SPTBN2: variants seen among roughly 807,000 people sequenced by gnomAD.
SPTBN2 encodes the protein spectrin beta chain, non-erythrocytic 2.
In SPTBN2, 107 loss-of-function variants were observed where a neutral mutation model predicts 284.2. That is an observed-to-expected ratio of 0.38 (90% CI 0.32 to 0.44). The LOEUF (loss-of-function observed/expected upper bound fraction) is 0.44. Ranked by LOEUF, SPTBN2 falls within the 20% of genes least tolerant of loss-of-function variation. The pLI, the probability that SPTBN2 is intolerant of heterozygous loss-of-function variation, is 1.00. For missense variants in SPTBN2, 2,569 were observed against 3,287.1 expected (o/e 0.78, Z 5.34); for synonymous variants, 1,289 against 1,354.8 (o/e 0.95, Z 1.07).
chr11:66,707,499 G>T lies in SPTBN2; in HGVS notation c.1653+17C>A, dbSNP rs974950938. Reference sequence around the variant, plus strand: ...CTCTTGATCACTCTTACCCCACCCAGCACGCCTCACTGGTACCTTCATCTC... The same window carrying T: ...CTCTTGATCACTCTTACCCCACCCATCACGCCTCACTGGTACCTTCATCTC... On this transcript the variant is annotated intron_variant, in intron 13 of 37. Transcript: ENST00000533211. The surrounding 1 kb of genome is among the most constrained non-coding windows in gnomAD (Gnocchi z 4.9). The T allele has an allele frequency of 3.2e-6, 5 of 1,585,374 alleles. No homozygotes were observed. Among genetic ancestry groups the T allele is most frequent in the Non-Finnish European group, 4.3e-6 (5 of 1,166,310 alleles).
At chr11:66,744,222 G>A (rs1413857021) in intron 1 of SPTBN2, among the ~76,000 whole-genome samples, 1 of 152,192 alleles carries the variant, frequency 6.6e-6, no homozygotes, top group Non-Finnish European at 1.5e-5. Context: ...AAATTGCCGA[G>A]ATATGTGTAT....
chr11:66,703,182 C>T (rs1446299448), intron 15 of SPTBN2, among the ~76,000 whole-genome samples: 1 of 151,670 alleles, frequency 6.6e-6, no homozygotes, highest in African/African-American at 2.4e-5. Flanking sequence ...TGGGCTCAAG[C>T]AATCCTCCTG....
At position 66,684,816 on chromosome 11, in the gene SPTBN2, G is replaced by A. The variant is rs997343608; in HGVS notation, c.*1055C>T. Among the ~76,000 whole-genome samples the A allele has an allele frequency of 6.6e-6, 1 of 152,090 alleles. No homozygotes were observed. The highest frequency in any genetic ancestry group is 1.5e-5 in the Non-Finnish European group (1 of 68,014). ...TCTACTGGAGAGCAGACGGCAAGTG[G>A]GGGCAGTAAGCACCCGCTGTGTGCT... On this transcript the variant is annotated 3_prime_UTR_variant, in exon 38 of 38. Transcript: ENST00000533211.
At chr11:66,694,004 T>TC in intron 22 of SPTBN2, 135 bp downstream of exon 22, 1 of 1,330,206 alleles carries the variant, frequency 7.5e-7, no homozygotes, top group Non-Finnish European at 1.0e-6. Flanking sequence ...TCTCCAAGTC[T>TC]CCCTATAGGG....
intron 20 of SPTBN2, among the ~76,000 whole-genome samples, chr11:66,697,866 A>G (rs1037015417): frequency 6.6e-6 from 1 of 152,212 alleles, no homozygotes; most frequent in African/African-American, 2.4e-5. Flanking sequence ...CTTTGGATAT[A>G]GTAGCACCAA....
intron 3 of SPTBN2, among the ~76,000 whole-genome samples, chr11:66,720,403 G>C (rs1017553419): frequency 6.6e-6 from 1 of 152,230 alleles, no homozygotes; most frequent in Non-Finnish European, 1.5e-5. Flanking sequence ...TCAGGTGGCA[G>C]CCGCACTCTT....
At position 66,685,921 on chromosome 11, in the gene SPTBN2, T is replaced by C. The variant is rs1228100154; in HGVS notation, c.7123A>G (p.Arg2375Gly). The part of the protein sequence containing the change: ...GPVVLRSKDG[R>G]EREREKRFSF... ...AAGCGTTTTTCTCGCTCTCGTTCTCTGCCGTCTTTGCTGCGGAGCACAACA... is the reference window on the plus strand; with the variant it reads ...AAGCGTTTTTCTCGCTCTCGTTCTCCGCCGTCTTTGCTGCGGAGCACAACA... The change falls in exon 38 of 38, where the codon AGA becomes GGA. Residue 2375 changes from arginine to glycine, a missense_variant. Physicochemically the swap from Arg to Gly is moderately radical, Grantham distance 125 (BLOSUM62 -2). Coordinates refer to ENST00000533211, the MANE Select transcript of SPTBN2 (RefSeq NM_006946.4). The surrounding 1 kb of genome is among the most constrained non-coding windows in gnomAD (Gnocchi z 4.4). The C allele has an allele frequency of 1.2e-6, 2 of 1,613,984 alleles. No individual in the cohort carries two copies. The highest frequency in any genetic ancestry group is 1.7e-6 in the Non-Finnish European group (2 of 1,180,034).
Position 66,685,260 on chromosome 11 carries a change from G to A in SPTBN2, c.*611C>T, listed in dbSNP as rs555707628. On this transcript the variant is annotated 3_prime_UTR_variant, in exon 38 of 38. Coordinates refer to ENST00000533211, the MANE Select transcript of SPTBN2 (RefSeq NM_006946.4). The surrounding 1 kb of genome is among the most constrained non-coding windows in gnomAD (Gnocchi z 4.4). ...ACACCCAGAGGCGGTGAGAGAAGCT[G>A]AGCTGTTTAATCACCTCCTTGGCCA... The A allele has an allele frequency of 4.4e-5, 7 of 158,582 alleles. No homozygotes were observed. Among genetic ancestry groups the A allele is most frequent in the African/African-American group, 1.7e-4 (7 of 41,542 alleles). 9.8% of individuals were successfully genotyped at this position (158,582 alleles called of 1,614,324 possible). A position where few individuals can be genotyped will look rare whatever the true frequency, so the allele number is the denominator to read the frequency against.
upstream of SPTBN2, among the ~76,000 whole-genome samples, chr11:66,733,723 A>G (rs1048705962): frequency 6.6e-6 from 1 of 152,222 alleles, no homozygotes; most frequent in Non-Finnish European, 1.5e-5. Context: ...ACTTAATCCA[A>G]TGCAACAGAA....
intron 37 of SPTBN2, 88 bp from the exon 38 acceptor site, chr11:66,686,192 C>A: frequency 2.1e-6 from 3 of 1,449,408 alleles, no homozygotes; most frequent in Non-Finnish European, 1.9e-6. Flanking sequence ...GAGGAGGAGG[C>A]AGAAAGTGAG....
At position 66,696,122 on chromosome 11, in the gene SPTBN2, C is replaced by A. The variant is rs1292084827; in HGVS notation, c.4278+155G>T. Among the ~76,000 whole-genome samples, 5 of 152,264 alleles carry A rather than the reference C, an allele frequency of 3.3e-5. No homozygotes were observed. The East Asian group carries it at 9.6e-4, about 29-fold the overall frequency. Reference sequence around the variant, plus strand: ...AACTCTAACCCTGACTGCGACATATCCCTAGAGATTCTGATACTGGCTGCC... The same window carrying A: ...AACTCTAACCCTGACTGCGACATATACCTAGAGATTCTGATACTGGCTGCC... On this transcript the variant is annotated intron_variant, in intron 21 of 37. Transcript: ENST00000533211.
At chr11:66,733,740 C>T (rs1406092918), upstream of SPTBN2, among the ~76,000 whole-genome samples, 1 of 152,188 alleles carries the variant, frequency 6.6e-6, no homozygotes, top group African/African-American at 2.4e-5. Context: ...AGAACTTCCA[C>T]TCTAAAGCTG....
intron 3 of SPTBN2, 134 bp downstream of exon 3, chr11:66,720,950 G>A: frequency 8.2e-7 from 1 of 1,212,186 alleles, no homozygotes; most frequent in East Asian, 2.6e-5. Flanking sequence ...TGGGGACCAG[G>A]GAATTGATAG....
At chr11:66,741,768 G>A (rs1384379348) in intron 1 of SPTBN2, among the ~76,000 whole-genome samples, 2 of 152,048 alleles carry the variant, frequency 1.3e-5, no homozygotes, top group Non-Finnish European at 2.9e-5. Context: ...AGTCCCTTCT[G>A]GCTCTAACAT....
chr11:66,721,278 G>A lies in SPTBN2; in HGVS notation c.-22-16C>T, dbSNP rs576397929. ...CTTCCTGCTCCTGCAAGGAGAATGT[G>A]GCCAGTGAGGGGTGTCCAGGGACCA... On this transcript the variant is annotated splice_polypyrimidine_tract_variant and intron_variant, in intron 2 of 37. Transcript: ENST00000533211. The A allele has an allele frequency of 4.3e-6, 7 of 1,613,770 alleles. No homozygotes were observed. The African/African-American group carries it at 8.0e-5, about 18-fold the overall frequency.
At chr11:66,705,561 A>G (rs893964602) in intron 14 of SPTBN2, 93 bp from the exon 15 acceptor site, 84 of 1,604,454 alleles carry the variant, frequency 5.2e-5, no homozygotes, top group Non-Finnish European at 7.0e-5. Flanking sequence ...CCCTGGCTTT[A>G]GCTCAGTCAC....
chr11:66,729,999 G>T (rs1294678648), upstream of SPTBN2, among the ~76,000 whole-genome samples: 3 of 151,864 alleles, frequency 2.0e-5, no homozygotes, highest in Non-Finnish European at 4.4e-5. Flanking sequence ...TCAGAGTTTT[G>T]CCATGTTGGC....
chr11:66,699,041 C>A lies in SPTBN2; in HGVS notation c.3818G>T (p.Arg1273Leu). The change falls in exon 19 of 38, where the codon CGT becomes CTT. Residue 1273 changes from arginine (R) to leucine (L), a missense_variant. By Grantham distance (102) the Arg-to-Leu change is moderately radical. Coordinates refer to ENST00000533211, the MANE Select transcript of SPTBN2 (RefSeq NM_006946.4). ...CTGCTGCTCCCGGTTGTCCCGAAGACGGCCCAGAAATTGCTGCGCTGCGTC... is the reference window on the plus strand; with the variant it reads ...CTGCTGCTCCCGGTTGTCCCGAAGAAGGCCCAGAAATTGCTGCGCTGCGTC... ...NQDAAQQFLG[R>L]LRDNREQQHF... 1 of 1,614,240 alleles carries A rather than the reference C, an allele frequency of 6.2e-7. No homozygotes were observed. Among genetic ancestry groups the A allele is most frequent in the Non-Finnish European group, 8.5e-7 (1 of 1,180,048 alleles).
At chr11:66,742,081 C>G (rs368697399) in intron 1 of SPTBN2, among the ~76,000 whole-genome samples, 258 of 152,306 alleles carry the variant, frequency 1.7e-3, no homozygotes, top group African/African-American at 5.9e-3. Flanking sequence ...CTTGGCCTCC[C>G]AAAGTGCTGG....
Sources: gnomAD v4.1 joint callset for allele counts (sites outside exome capture counted in the v4.1 genomes callset) on GRCh38, gnomAD v4.1.1 for gene constraint, Gnocchi (gnomAD v3.1) non-coding constraint, MANE v1.5 for transcripts, NCBI Gene and HGNC (gene_info 2026-07-23, HGNC 2026-07-21) for gene names.